PDZRN3: variants seen among roughly 807,000 people sequenced by gnomAD.
PDZRN3 encodes the protein PDZ domain containing ring finger 3, also known as E3 ubiquitin-protein ligase PDZRN3.
Under a neutral mutation model 85.7 loss-of-function variants are expected in PDZRN3, and 38 were observed. That is an observed-to-expected ratio of 0.44 (90% CI 0.34 to 0.58). The LOEUF (loss-of-function observed/expected upper bound fraction) is 0.58. PDZRN3 is among the 20% of genes least tolerant of loss of function. The probability of loss-of-function intolerance (pLI) is 0.01; values close to 1 mark genes in which losing one functional copy is unlikely to be tolerated. For synonymous variants in PDZRN3, 759 were observed against 638.0 expected (o/e 1.19, Z -2.86); for missense variants, 1,629 against 1,506.4 (o/e 1.08, Z -1.35).
chr3:73,384,714 G>C lies in PDZRN3; in HGVS notation c.1852C>G (p.Leu618Val). The C allele has an allele frequency of 6.2e-7, 1 of 1,614,024 alleles. No individual in the cohort carries two copies. The highest frequency in any genetic ancestry group is 8.5e-7 in the Non-Finnish European group (1 of 1,180,044). ...CSQDTLGSGDLPFSNESFISA... is the reference protein window; with the variant it reads ...CSQDTLGSGDVPFSNESFISA... Reference sequence around the variant, plus strand: ...ATGAAAGACTCGTTGCTGAAGGGCAGGTCGCCGCTGCCCAAGGTGTCCTGG... The same window carrying C: ...ATGAAAGACTCGTTGCTGAAGGGCACGTCGCCGCTGCCCAAGGTGTCCTGG... The change falls in exon 10 of 10, where the codon CTG becomes GTG. Residue 618 changes from leucine (L) to valine (V), a missense_variant. By Grantham distance (32) the Leu-to-Val change is conservative (BLOSUM62 1). Transcript: ENST00000263666.
intron 3 of PDZRN3, among the ~76,000 whole-genome samples, chr3:73,411,987 A>G (rs1701982408): frequency 6.6e-6 from 1 of 152,210 alleles, no homozygotes; most frequent in Non-Finnish European, 1.5e-5. Flanking sequence ...GACAAAAACG[A>G]GAGACACAGA....
intron 3 of PDZRN3, among the ~76,000 whole-genome samples, chr3:73,534,102 A>G (rs902793253): frequency 6.6e-6 from 1 of 152,240 alleles, no homozygotes; most frequent in Non-Finnish European, 1.5e-5. Flanking sequence ...TGAGTCCCCA[A>G]CATTTAATAA....
At chr3:73,490,742 T>A (rs1314783493) in intron 3 of PDZRN3, among the ~76,000 whole-genome samples, 1 of 152,212 alleles carries the variant, frequency 6.6e-6, no homozygotes, top group African/African-American at 2.4e-5. Flanking sequence ...CCTGGTTCTC[T>A]GGCAGGTAAG....
At position 73,431,447 on chromosome 3, in the gene PDZRN3, G is replaced by A. The variant is rs993612846; in HGVS notation, c.919-27052C>T. 5.9e-5 allele frequency among the ~76,000 whole-genome samples: 9 copies of A among 152,182 alleles called. No homozygotes were observed. The South Asian group carries it at 1.0e-3, about 18-fold the overall frequency. On this transcript the variant is annotated intron_variant, in intron 3 of 9. Coordinates refer to ENST00000263666, the MANE Select transcript of PDZRN3 (RefSeq NM_015009.3). ...TTGATCCTCTTTGTGCTGCTGTTAC[G>A]AGGGCTTACTGAAGCCAGACGCACC...
At chr3:73,609,316 T>C (rs1223405674) in intron 1 of PDZRN3, among the ~76,000 whole-genome samples, 1 of 152,160 alleles carries the variant, frequency 6.6e-6, no homozygotes, top group Admixed American at 6.5e-5. Context: ...GCACTCTGTT[T>C]AAGGCTGGTC....
rs542159105 is a variant in PDZRN3 at position 73,413,323 on chromosome 3, T to A, written c.919-8928A>T. On this transcript the variant is annotated intron_variant, in intron 3 of 9. Transcript: ENST00000263666. ...CAGTAAAAACCATACTCCAAATAAG[T>A]CACATAAGAAAACCCATGAAAAGCA... is the stretch of plus-strand genomic sequence containing the variant. Among the ~76,000 whole-genome samples the A allele has an allele frequency of 3.3e-5, 5 of 152,210 alleles. No homozygotes were observed. In the South Asian group the frequency reaches 1.0e-3, roughly 32 times the overall value.
At chr3:73,537,865 A>C (rs1239155431) in intron 3 of PDZRN3, among the ~76,000 whole-genome samples, 5 of 150,422 alleles carry the variant, frequency 3.3e-5, no homozygotes, top group Non-Finnish European at 7.4e-5. Context: ...ATCTCAAATG[A>C]TCCGCCCGCC....
At chr3:73,436,632 CTT>C (rs1284532690) in intron 3 of PDZRN3, among the ~76,000 whole-genome samples, 1 of 152,110 alleles carries the variant, frequency 6.6e-6, no homozygotes, top group Non-Finnish European at 1.5e-5. Context: ...CCTTTTTACT[CTT>C]TGTTAGAAAG....
chr3:73,420,520 G>C (rs1702178390), intron 3 of PDZRN3, among the ~76,000 whole-genome samples: 1 of 152,136 alleles, frequency 6.6e-6, no homozygotes, highest in Non-Finnish European at 1.5e-5. Flanking sequence ...TTTTTAAGAA[G>C]CTTTGGCTTT....
At chr3:73,419,346 A>G (rs1361925990) in intron 3 of PDZRN3, among the ~76,000 whole-genome samples, 1 of 152,106 alleles carries the variant, frequency 6.6e-6, no homozygotes, top group African/African-American at 2.4e-5. Context: ...CGGGGGTGAC[A>G]TTTATAGTTC....
intron 3 of PDZRN3, among the ~76,000 whole-genome samples, chr3:73,421,434 G>GTGGC (rs1294443734): frequency 6.6e-6 from 1 of 152,198 alleles, no homozygotes; most frequent in Non-Finnish European, 1.5e-5. Context: ...CTGTGAGCAA[G>GTGGC]TGGCTATTTT....
chr3:73,427,675 G>C (rs1702345447), intron 3 of PDZRN3, among the ~76,000 whole-genome samples: 1 of 152,186 alleles, frequency 6.6e-6, no homozygotes, highest in Non-Finnish European at 1.5e-5. Flanking sequence ...CAGGGATATG[G>C]ACTCATTTGT....
At chr3:73,497,806 T>TCCCCGC (rs1553695981) in intron 3 of PDZRN3, among the ~76,000 whole-genome samples, 20 of 146,116 alleles carry the variant, frequency 1.4e-4, no homozygotes, top group Admixed American at 2.0e-4. Flanking sequence ...GCGCCCCCCG[T>TCCCCGC]CCCCGCCCCC....
intron 5 of PDZRN3, among the ~76,000 whole-genome samples, chr3:73,391,906 C>A (rs566961579): frequency 6.6e-6 from 1 of 152,058 alleles, no homozygotes; most frequent in African/African-American, 2.4e-5. Context: ...TGAAGGGCCA[C>A]GTGATAAGTT....
chr3:73,555,440 C>A (rs1182884472), intron 3 of PDZRN3, among the ~76,000 whole-genome samples: 1 of 152,194 alleles, frequency 6.6e-6, no homozygotes, highest in Non-Finnish European at 1.5e-5. Context: ...GAGATTCCTG[C>A]AGTCCAGGAT....
chr3:73,396,068 C>A (rs574543906), intron 5 of PDZRN3, among the ~76,000 whole-genome samples: 169 of 152,142 alleles, frequency 1.1e-3, no homozygotes, highest in African/African-American at 3.6e-3. Flanking sequence ...ACTAAAAATA[C>A]AAAAATTAGC....
At chr3:73,585,495 C>A (rs1468370552) in intron 3 of PDZRN3, among the ~76,000 whole-genome samples, 1 of 152,130 alleles carries the variant, frequency 6.6e-6, no homozygotes, top group African/African-American at 2.4e-5. Flanking sequence ...TGGTAGGAAG[C>A]CATGAAGACC....
At chr3:73,417,631 TATAAG>T (rs757828695) in intron 3 of PDZRN3, among the ~76,000 whole-genome samples, 3 of 152,270 alleles carry the variant, frequency 2.0e-5, no homozygotes, top group Non-Finnish European at 2.9e-5. Flanking sequence ...TTGACTAAGT[TATAAG>T]AGAAAAAGAA....
At chr3:73,446,633 A>G (rs1192729316) in intron 3 of PDZRN3, among the ~76,000 whole-genome samples, 1 of 152,202 alleles carries the variant, frequency 6.6e-6, no homozygotes, top group Non-Finnish European at 1.5e-5. Flanking sequence ...TCTCTGTACA[A>G]GGATTCAGTT....
Sources: gnomAD v4.1 joint callset for allele counts (sites outside exome capture counted in the v4.1 genomes callset) on GRCh38, gnomAD v4.1.1 for gene constraint, MANE v1.5 for transcripts, NCBI Gene and HGNC (gene_info 2026-07-23, HGNC 2026-07-21) for gene names.